The following MARK2 variants were observed in gnomAD, a reference collection of about 807,000 sequenced individuals.
MARK2 encodes microtubule affinity regulating kinase 2.
A neutral mutation model predicts 89.8 loss-of-function variants in MARK2; 16 were observed. The observed-to-expected ratio is 0.18, with a 90% CI of 0.12 to 0.27. MARK2 has a LOEUF of 0.27. MARK2 is among the 10% of genes least tolerant of loss of function. The pLI is 1.00. For missense variants in MARK2, 621 were observed against 1,049.9 expected (o/e 0.59, Z 5.65); for synonymous variants, 382 against 399.5 (o/e 0.96, Z 0.52).
intron 1 of MARK2, among the ~76,000 whole-genome samples, chr11:63,844,996 G>C (rs997386986): frequency 6.6e-6 from 1 of 152,196 alleles, no homozygotes; most frequent in Admixed American, 6.5e-5. Context: ...CGACAAATGG[G>C]GTAGGGGGTG....
Position 63,853,795 on chromosome 11 carries a change from T to C in MARK2, c.54+14235T>C, listed in dbSNP as rs78030408. On this transcript the variant is annotated intron_variant, in intron 1 of 18. Coordinates refer to ENST00000402010, the MANE Select transcript of MARK2 (RefSeq NM_001039469.3). ...GTTGAAAAATAAAAGCCATTTTTAC[T>C]TGAGAATGTCTTGAATGAAGGATTA... is the stretch of plus-strand genomic sequence containing the variant. 6.3e-3 allele frequency among the ~76,000 whole-genome samples: 953 copies of C among 152,340 alleles called. 14 individuals are homozygous for C. The highest frequency in any genetic ancestry group is 0.022 in the African/African-American group (913 of 41,584).
At position 63,890,201 on chromosome 11, in the gene MARK2, C is replaced by T. The variant is rs751660048; in HGVS notation, c.55-4958C>T. 8.2e-6 allele frequency: 11 copies of T among 1,337,924 alleles called. No individual in the cohort carries two copies. In the East Asian group the frequency reaches 4.6e-4, roughly 56 times the overall value. The allele number at this position is 1,337,924 out of a possible 1,614,324, so 82.9% of individuals were successfully genotyped here. ...ACTCTCTCCTCTCTTTTCCCTTTTT[C>T]TTTTCTCTGCTTCCTTCCAGTGGCT... On this transcript the variant is annotated intron_variant, in intron 1 of 18. Transcript: ENST00000402010.
intron 7 of MARK2, 45 bp from the exon 8 acceptor site, chr11:63,899,829 G>A: frequency 7.5e-7 from 1 of 1,326,054 alleles, no homozygotes; most frequent in Non-Finnish European, 1.1e-6. Context: ...CAGGGCCTTA[G>A]TCTGGTCCAC....
At chr11:63,853,348 G>A (rs139362226) in intron 1 of MARK2, among the ~76,000 whole-genome samples, 2,490 of 151,512 alleles carry the variant, frequency 0.016, 72 homozygotes, top group African/African-American at 0.058. Context: ...GCAGTGAGCC[G>A]AGATCGTGCC....
rs1358748879 is a variant in MARK2 at position 63,856,321 on chromosome 11, G to GTTT, written c.54+16775_54+16777dup. Among the ~76,000 whole-genome samples the GTTT allele has an allele frequency of 6.1e-3, 321 of 52,670 alleles. 4 individuals carry two copies. The highest frequency in any genetic ancestry group is 0.014 in the African/African-American group (315 of 23,130). 34.6% of individuals were successfully genotyped at this position (52,670 alleles called of 152,430 possible). ...CTGGCCCTGTGGGTTTTTTTTTTTT[G>GTTT]TTTTTTTTTTTTTTTTAAATATATG... On this transcript the variant is annotated intron_variant, in intron 1 of 18. Transcript: ENST00000402010.
intron 1 of MARK2, chr11:63,880,363 G>GT (rs1939017534): frequency 6.6e-6 from 1 of 152,066 alleles, no homozygotes; most frequent in Admixed American, 6.6e-5. Context: ...GTGTGTATGG[G>GT]TGAAATTATT....
chr11:63,901,473 CTT>C (rs35231498), intron 11 of MARK2, among the ~76,000 whole-genome samples: 2 of 57,696 alleles, frequency 3.5e-5, no homozygotes, highest in Non-Finnish European at 2.8e-5. Flanking sequence ...GAGTCTGTTG[CTT>C]TTTTTTTTTT....
chr11:63,909,314 G>T lies in MARK2; in HGVS notation c.*77G>T. The T allele has an allele frequency of 3.5e-6, 5 of 1,420,974 alleles. No individual in the cohort carries two copies. The highest frequency in any genetic ancestry group is 2.9e-5 in the South Asian group (2 of 69,524). 88.0% of individuals were successfully genotyped at this position (1,420,974 alleles called of 1,614,324 possible). A position where few individuals can be genotyped will look rare whatever the true frequency, so the allele number is the denominator to read the frequency against. ...GGCCGCTGCGCCGCCCCACCTGGGC[G>T]AGACTGCAGCGATGGATTGGTGTGT... On this transcript the variant is annotated 3_prime_UTR_variant, in exon 19 of 19. Coordinates refer to ENST00000402010, the MANE Select transcript of MARK2 (RefSeq NM_001039469.3).
rs57123766 is a variant in MARK2 at position 63,903,631 on chromosome 11, T to G, written c.1515-355T>G. ...TTCCTGGCTCTATCTCTTCTGAGTT[T>G]ATGAAAGTTTCCCCTCAGCAACACC... On this transcript the variant is annotated intron_variant, in intron 14 of 18. Coordinates refer to ENST00000402010, the MANE Select transcript of MARK2 (RefSeq NM_001039469.3). The surrounding 1 kb of genome is among the most constrained non-coding windows in gnomAD (Gnocchi z 5.1). Among the ~76,000 whole-genome samples the G allele has an allele frequency of 0.016, 2,469 of 152,184 alleles. 70 individuals are homozygous for G. Among genetic ancestry groups the G allele is most frequent in the African/African-American group, 0.057 (2,356 of 41,484 alleles).
chr11:63,906,842 C>T (rs1324934351), intron 17 of MARK2, among the ~76,000 whole-genome samples: 1 of 150,744 alleles, frequency 6.6e-6, no homozygotes, highest in Non-Finnish European at 1.5e-5. Context: ...AGCACCCCTG[C>T]CACCAGCAGC....
chr11:63,882,035 C>T (rs527869661), intron 1 of MARK2, among the ~76,000 whole-genome samples: 1 of 152,112 alleles, frequency 6.6e-6, no homozygotes, highest in South Asian at 2.1e-4. Flanking sequence ...AGTGACCACT[C>T]CCCGCTAAGA....
chr11:63,892,320 A>G (rs1565129454), intron 1 of MARK2, among the ~76,000 whole-genome samples: 1 of 152,216 alleles, frequency 6.6e-6, no homozygotes, highest in African/African-American at 2.4e-5. Flanking sequence ...CAAAGGCCCT[A>G]CGTGGGCACA....
intron 1 of MARK2, among the ~76,000 whole-genome samples, chr11:63,866,373 AGTG>A (rs1286865423): frequency 6.6e-6 from 1 of 150,532 alleles, no homozygotes; most frequent in Non-Finnish European, 1.5e-5. Flanking sequence ...AAAAAAAAGT[AGTG>A]TTTAAAAGCA....
At position 63,902,952 on chromosome 11, in the gene MARK2, C is replaced by G; in HGVS notation, c.1417-109C>G. The G allele has an allele frequency of 1.8e-6, 2 of 1,113,524 alleles. No homozygotes were observed. The highest frequency in any genetic ancestry group is 1.7e-5 in the Admixed American group (1 of 57,858). The allele number at this position is 1,113,524 out of a possible 1,614,324, so 69.0% of individuals were successfully genotyped here. On this transcript the variant is annotated intron_variant, in intron 13 of 18. Coordinates refer to ENST00000402010, the MANE Select transcript of MARK2 (RefSeq NM_001039469.3). This position sits in a 1 kb window ranked among gnomAD's most constrained non-coding sequence, Gnocchi z 4.2. ...AATCCTTTCCTTAACCTACCACTGT[C>G]TGCTTCAGGTGGAAGGGACAGGAAG...
chr11:63,868,027 C>T (rs1442532319), intron 1 of MARK2, among the ~76,000 whole-genome samples: 2 of 152,166 alleles, frequency 1.3e-5, no homozygotes, highest in African/African-American at 4.8e-5. Context: ...TTCGGACACC[C>T]AGAAACTGTT....
intron 17 of MARK2, among the ~76,000 whole-genome samples, chr11:63,908,007 C>A (rs1042194424): frequency 1.3e-5 from 2 of 152,352 alleles, no homozygotes; most frequent in African/African-American, 4.8e-5. Flanking sequence ...TCCTTCTCCC[C>A]GGCACAGATC....
intron 1 of MARK2, among the ~76,000 whole-genome samples, chr11:63,847,642 C>T (rs2016350208): frequency 6.6e-6 from 1 of 152,250 alleles, no homozygotes; most frequent in Non-Finnish European, 1.5e-5. Context: ...CAACCCCCTT[C>T]TCCCCAAACA....
At chr11:63,877,807 A>G (rs1285365668) in intron 1 of MARK2, among the ~76,000 whole-genome samples, 3 of 152,178 alleles carry the variant, frequency 2.0e-5, no homozygotes, top group African/African-American at 7.2e-5. Flanking sequence ...CTTGGAGCAA[A>G]ATTGTCATTG....
chr11:63,862,766 G>C lies in MARK2; in HGVS notation c.54+23206G>C, dbSNP rs1937879099. Among the ~76,000 whole-genome samples the C allele has an allele frequency of 2.0e-5, 3 of 152,126 alleles. No individual in the cohort carries two copies. The South Asian group carries it at 6.2e-4, about 32-fold the overall frequency. ...AACCAGCAATTAAGTACCTTAAAGT[G>C]TAGGGCATGATGGATTTCTAGGTTT... On this transcript the variant is annotated intron_variant, in intron 1 of 18. Coordinates refer to ENST00000402010, the MANE Select transcript of MARK2 (RefSeq NM_001039469.3).
Sources: gnomAD v4.1 joint callset for allele counts (sites outside exome capture counted in the v4.1 genomes callset) on GRCh38, gnomAD v4.1.1 for gene constraint, Gnocchi (gnomAD v3.1) non-coding constraint, MANE v1.5 for transcripts, NCBI Gene and HGNC (gene_info 2026-07-23, HGNC 2026-07-21) for gene names.